SLCO1A2: variants seen among roughly 807,000 people sequenced by gnomAD.
SLCO1A2 encodes solute carrier organic anion transporter family member 1A2.
Under a neutral mutation model 69.0 loss-of-function variants are expected in SLCO1A2, and 67 were observed. That is an observed-to-expected ratio of 0.97 (90% CI 0.80 to 1.19). The LOEUF (loss-of-function observed/expected upper bound fraction) is 1.19, where lower values mean the gene tolerates loss of function less well. Ranked by LOEUF, SLCO1A2 falls within the 50% of genes most tolerant of loss-of-function variation. SLCO1A2 has a pLI of 0.00. For missense variants in SLCO1A2, 787 were observed against 793.7 expected, an observed-to-expected ratio of 0.99 and a Z score of 0.10; for synonymous variants, 260 against 265.9, an observed-to-expected ratio of 0.98 and a Z score of 0.22.
At chr12:21,377,830 T>C (rs2137112025) in intron 1 of SLCO1A2, among the ~76,000 whole-genome samples, 1 of 152,322 alleles carries the variant, frequency 6.6e-6, no homozygotes, top group African/African-American at 2.4e-5. Context: ...TGGAAAGATG[T>C]AGAAATAATT....
Position 21,297,521 on chromosome 12 carries a change from G to A in SLCO1A2, c.958C>T (p.Leu320Phe), listed in dbSNP as rs774765601. The change falls in exon 9 of 15, where the codon CTT becomes TTT. Residue 320 changes from leucine (L) to phenylalanine (F), a missense_variant. Physicochemically the swap from Leu to Phe is conservative, Grantham distance 22. Transcript: ENST00000683939. ...TGTATCACACTTACAAGTATGAAAA[G>A]CATATAAATTGGATTGCAGGAAAGA... ...KSLSCNPIYM[L>F]FILVSVIQFN... 1.3e-6 allele frequency: 2 copies of A among 1,597,812 alleles called. No individual in the cohort carries two copies. The highest frequency in any genetic ancestry group is 1.3e-5 in the African/African-American group (1 of 74,454).
intron 8 of SLCO1A2, among the ~76,000 whole-genome samples, chr12:21,300,046 G>GTGTGTATATATA (rs1948503162): frequency 7.5e-6 from 1 of 132,508 alleles, no homozygotes; most frequent in African/African-American, 4.2e-5. Flanking sequence ...ATATATATAT[G>GTGTGTATATATA]TGTGTGTACA....
At chr12:21,350,360 A>G (rs1016924211) in intron 2 of SLCO1A2, among the ~76,000 whole-genome samples, 2 of 152,104 alleles carry the variant, frequency 1.3e-5, no homozygotes, top group Non-Finnish European at 2.9e-5. Flanking sequence ...TTAAATGTCC[A>G]ATATTATGGA....
Position 21,274,579 on chromosome 12 carries a change from A to G in SLCO1A2, c.1683T>C (p.Ile561=), listed in dbSNP as rs1591772885. 6.3e-7 allele frequency: 1 copy of G among 1,596,440 alleles called. No individual in the cohort carries two copies. The highest frequency in any genetic ancestry group is 2.2e-5 in the East Asian group (1 of 44,774). The change falls in exon 14 of 15, where the codon ATT becomes ATC. Residue 561 remains isoleucine (I), a synonymous_variant. Transcript: ENST00000683939. The part of the protein sequence containing the change: ...HTFCTRVFAG[I]PAPIYFGALM... ...AAGCGCCAAAATATATAGGTGCAGG[A>G]ATGCCAGCTACAATTGACAGGGAAA... is the stretch of plus-strand genomic sequence containing the variant.
intron 1 of SLCO1A2, among the ~76,000 whole-genome samples, chr12:21,385,347 C>A (rs375704481): frequency 6.6e-6 from 1 of 152,322 alleles, no homozygotes; most frequent in Non-Finnish European, 1.5e-5. Flanking sequence ...CCAGAATTTA[C>A]TCCATAACCT....
In SLCO1A2 at chr12:21,360,322, C is replaced by T. The variant is rs866877155; in HGVS notation, c.-63+14077G>A. Among the ~76,000 whole-genome samples, 10 of 152,202 alleles carry T rather than the reference C, an allele frequency of 6.6e-5. 1 individual carries two copies. The South Asian group carries it at 1.5e-3, about 22-fold the overall frequency. On this transcript the variant is annotated intron_variant, in intron 2 of 15. Coordinates refer to the SLCO1A2 transcript ENST00000307378. ...GTGCAGTTTATTGAATTTTGATAAT[C>T]CCTAAATGAAGGTGTAAAACGACAC...
chr12:21,408,848 A>T (rs1941864897), intron 1 of SLCO1A2, among the ~76,000 whole-genome samples: 1 of 152,128 alleles, frequency 6.6e-6, no homozygotes, highest in African/African-American at 2.4e-5. Flanking sequence ...GGAGAAACTT[A>T]TGTCCAAAGA....
In SLCO1A2 at chr12:21,306,936, A is replaced by C. The variant is rs1361643145; in HGVS notation, c.388T>G (p.Phe130Val). The C allele has an allele frequency of 1.2e-6, 2 of 1,613,958 alleles. No homozygotes were observed. The highest frequency in any genetic ancestry group is 2.2e-5 in the South Asian group (2 of 91,066). Residue 130 changes from phenylalanine to valine, a missense_variant, in exon 5 of 15, where the codon TTC becomes GTC. By Grantham distance (50) the Phe-to-Val change is conservative. Transcript: ENST00000683939. ...TGGGTTCCATTTTCCATACACAAGA[A>C]ACTGTTTGAGGACAAGTTGCCTGAA... ...SVSGNLSSNS[F>V]LCMENGTQIL...
Position 21,393,176 on chromosome 12 carries a change from T to C in SLCO1A2, c.-190+1730A>G, listed in dbSNP as rs182703382. ...TACATTTAAAATCAGAATATATATA[T>C]ATGTATATGCAGATAAAGATCAAGA... is the stretch of plus-strand genomic sequence containing the variant. On this transcript the variant is annotated intron_variant, in intron 1 of 15. Transcript: ENST00000307378. Among the ~76,000 whole-genome samples the C allele has an allele frequency of 1.9e-4, 29 of 152,252 alleles. No homozygotes were observed. The East Asian group carries it at 5.2e-3, about 27-fold the overall frequency.
Position 21,318,804 on chromosome 12 carries a change from G to T in SLCO1A2, c.180C>A (p.Phe60Leu), listed in dbSNP as rs1343895588. 2 of 1,602,448 alleles carry T rather than the reference G, an allele frequency of 1.2e-6. No individual in the cohort carries two copies. Among genetic ancestry groups the T allele is most frequent in the Non-Finnish European group, 1.7e-6 (2 of 1,176,524 alleles). ...QFNIPTSLVG[F>L]INGSFEIGNL... is the part of the protein sequence containing the mutation. The stretch of plus-strand genomic sequence containing the variant: ...TACCAATCTCAAAGCTTCCATTAAT[G>T]AATCCAACTAGAGATGTTGGGATGT... Residue 60 changes from phenylalanine (F) to leucine (L), a missense_variant, in exon 3 of 15, where the codon TTC (phenylalanine) becomes TTA (leucine). Transcript: ENST00000683939.
intron 2 of SLCO1A2, among the ~76,000 whole-genome samples, chr12:21,355,644 T>C (rs11834777): frequency 0.037 from 5,691 of 152,222 alleles, 370 homozygotes; most frequent in African/African-American, 0.13. Context: ...CAACCAAATC[T>C]TTTCTCAGGG....
At position 21,312,642 on chromosome 12, in the gene SLCO1A2, A is replaced by G. The variant is rs546715825; in HGVS notation, c.335+1907T>C. Among the ~76,000 whole-genome samples, 393 of 152,282 alleles carry G rather than the reference A, an allele frequency of 2.6e-3. 5 individuals carry two copies. The highest frequency in any genetic ancestry group is 9.1e-3 in the African/African-American group (378 of 41,538). Reference sequence around the variant, plus strand: ...TTCACTTCAACACCTGAAGGCCACAATAGGGTTATTATAATAATTGGCCTA... The same window carrying G: ...TTCACTTCAACACCTGAAGGCCACAGTAGGGTTATTATAATAATTGGCCTA... On this transcript the variant is annotated intron_variant, in intron 4 of 14. Coordinates refer to ENST00000683939, the MANE Select transcript of SLCO1A2 (RefSeq NM_001386879.1).
intron 5 of SLCO1A2, among the ~76,000 whole-genome samples, chr12:21,306,370 G>A (rs1356957547): frequency 6.6e-6 from 1 of 151,914 alleles, no homozygotes; most frequent in East Asian, 1.9e-4. Flanking sequence ...CTGTTGCCCA[G>A]GCTGGAGTGC....
intron 2 of SLCO1A2, chr12:21,373,666 G>T: frequency 5.7e-6 from 4 of 701,364 alleles, no homozygotes; most frequent in Non-Finnish European, 7.8e-6. Context: ...TTCCAGTTTT[G>T]TCAAGAAATA....
intron 12 of SLCO1A2, among the ~76,000 whole-genome samples, chr12:21,278,039 T>C (rs544206006): frequency 6.6e-6 from 1 of 152,142 alleles, no homozygotes; most frequent in African/African-American, 2.4e-5. Flanking sequence ...AGTCCTGGCG[T>C]AGCAGCATTC....
At chr12:21,357,399 A>G (rs1389579948) in intron 2 of SLCO1A2, among the ~76,000 whole-genome samples, 2 of 152,218 alleles carry the variant, frequency 1.3e-5, no homozygotes, top group African/African-American at 4.8e-5. Context: ...AGCTAGAAAG[A>G]GGCATGGAAC....
intron 1 of SLCO1A2, chr12:21,403,649 T>TA (rs1941773949): frequency 6.6e-6 from 1 of 151,802 alleles, no homozygotes; most frequent in Admixed American, 6.6e-5. Context: ...TAAAGCAGGT[T>TA]ATAATCTTGG....
chr12:21,335,315 C>T (rs942696760), upstream of SLCO1A2, among the ~76,000 whole-genome samples: 8 of 151,668 alleles, frequency 5.3e-5, no homozygotes, highest in Non-Finnish European at 1.0e-4. Context: ...AATAATCCCA[C>T]GATTGCAAAC....
intron 12 of SLCO1A2, among the ~76,000 whole-genome samples, chr12:21,286,390 C>T (rs2136235941): frequency 7.4e-6 from 1 of 134,616 alleles, no homozygotes; most frequent in East Asian, 2.2e-4. Flanking sequence ...ACATTCCATG[C>T]TCATGGGTAG....
Sources: gnomAD v4.1 joint callset for allele counts (sites outside exome capture counted in the v4.1 genomes callset) on GRCh38, gnomAD v4.1.1 for gene constraint, MANE v1.5 for transcripts, NCBI Gene and HGNC (gene_info 2026-07-23, HGNC 2026-07-21) for gene names.